TDRD9: variants seen among roughly 807,000 people sequenced by gnomAD.
TDRD9 encodes the protein ATP-dependent RNA helicase TDRD9.
TDRD9 carries 124 observed loss-of-function variants against 172.6 expected under a neutral mutation model. That is an observed-to-expected ratio of 0.72 (90% CI 0.62 to 0.83). The LOEUF is 0.83. Ranked by LOEUF, TDRD9 falls within the 40% of genes least tolerant of loss-of-function variation. TDRD9 has a pLI of 0.00. For synonymous variants in TDRD9, 619 were observed against 617.1 expected, an observed-to-expected ratio of 1.00 and a Z score of -0.05; for missense variants, 1,479 against 1,714.1, an observed-to-expected ratio of 0.86 and a Z score of 2.42.
rs760320425 is a variant in TDRD9 at position 104,024,587 on chromosome 14, G to A, written c.2625G>A (p.Gln875=). ...TATGTAGGGTGAATGTGGACTTCCAGAAGCAGACGGTAGATCCTATGCAAG... is the reference window on the plus strand; with the variant it reads ...TATGTAGGGTGAATGTGGACTTCCAAAAGCAGACGGTAGATCCTATGCAAG... ...LRNTRVNVDF[Q]KQTVDPMQVS... Residue 875 remains glutamine, a synonymous_variant, in exon 25 of 36, where the codon CAG becomes CAA. Transcript: ENST00000409874. 1.1e-5 allele frequency: 17 copies of A among 1,607,388 alleles called. No homozygotes were observed. Among genetic ancestry groups the A allele is most frequent in the Non-Finnish European group, 1.4e-5 (17 of 1,177,086 alleles).
intron 35 of TDRD9, chr14:104,049,959 C>T (rs1382709907): frequency 1.7e-5 from 6 of 356,308 alleles, no homozygotes; most frequent in Non-Finnish European, 2.5e-5. Flanking sequence ...TGGATTGAAC[C>T]TTCCTGCTCT....
At chr14:104,017,206 C>CT (rs1415252716) in intron 22 of TDRD9, among the ~76,000 whole-genome samples, 1 of 152,058 alleles carries the variant, frequency 6.6e-6, no homozygotes, top group Non-Finnish European at 1.5e-5. Flanking sequence ...CCTCAGACGT[C>CT]TAGTAGCTAT....
intron 31 of TDRD9, among the ~76,000 whole-genome samples, chr14:104,034,316 G>C (rs1307902602): frequency 6.7e-6 from 1 of 148,498 alleles, no homozygotes; most frequent in East Asian, 2.0e-4. Context: ...TCAGCCTCCC[G>C]AGTAGCTGGG....
intron 13 of TDRD9, among the ~76,000 whole-genome samples, chr14:104,001,435 C>T (rs2034258139): frequency 6.6e-6 from 1 of 152,208 alleles, no homozygotes; most frequent in South Asian, 2.1e-4. Flanking sequence ...CTAAGTAGTA[C>T]TCCACTGAAC....
intron 5 of TDRD9, among the ~76,000 whole-genome samples, chr14:103,968,067 A>ACATTTAT (rs2032831581): frequency 1.3e-5 from 2 of 152,314 alleles, no homozygotes; most frequent in South Asian, 4.1e-4. Flanking sequence ...TGTCTGACAT[A>ACATTTAT]TTTCTCTGCC....
intron 34 of TDRD9, among the ~76,000 whole-genome samples, chr14:104,043,630 A>G (rs371213259): frequency 2.6e-5 from 4 of 152,250 alleles, no homozygotes; most frequent in African/African-American, 9.6e-5. Context: ...GGTGCTCCTT[A>G]GGGTGTGCGG....
rs1207670537 is a variant in TDRD9 at position 104,028,842 on chromosome 14, G to A, written c.3282+1903G>A. On this transcript the variant is annotated intron_variant, in intron 28 of 35. Coordinates refer to ENST00000409874, the MANE Select transcript of TDRD9 (RefSeq NM_153046.3). Reference sequence around the variant, plus strand: ...TACATTTAAGTCTTTAACCCATTTTGAGTTGATTTTTGTATATGTCAAGAG... The same window carrying A: ...TACATTTAAGTCTTTAACCCATTTTAAGTTGATTTTTGTATATGTCAAGAG... 2.0e-5 allele frequency among the ~76,000 whole-genome samples: 3 copies of A among 152,116 alleles called. No homozygotes were observed. In the East Asian group the frequency reaches 5.8e-4, roughly 29 times the overall value.
chr14:103,975,669 T>C (rs2033207626), intron 7 of TDRD9, 116 bp downstream of exon 7: 1 of 1,021,088 alleles, frequency 9.8e-7, no homozygotes, highest in Admixed American at 2.9e-5. Flanking sequence ...TTAAAATTGA[T>C]GCATACTAAG....
At chr14:103,965,192 A>G in intron 3 of TDRD9, 141 bp from the exon 4 acceptor site, 1 of 844,702 alleles carries the variant, frequency 1.2e-6, no homozygotes, top group Non-Finnish European at 1.8e-6. Context: ...AGGCTGGGCA[A>G]CAGAGCGAGA....
At chr14:103,992,649 C>A (rs933158928) in intron 9 of TDRD9, among the ~76,000 whole-genome samples, 1 of 151,948 alleles carries the variant, frequency 6.6e-6, no homozygotes, top group Non-Finnish European at 1.5e-5. Context: ...CACGGACGGG[C>A]GTGGGGGCTC....
At chr14:103,975,858 C>T (rs1416639488) in intron 7 of TDRD9, among the ~76,000 whole-genome samples, 7 of 152,088 alleles carry the variant, frequency 4.6e-5, no homozygotes, top group Non-Finnish European at 1.0e-4. Flanking sequence ...TGAAAATAAA[C>T]GATAAGTTTT....
intron 1 of TDRD9, among the ~76,000 whole-genome samples, chr14:103,930,975 C>T (rs2030349663): frequency 6.6e-6 from 1 of 152,058 alleles, no homozygotes; most frequent in African/African-American, 2.4e-5. Context: ...TGAAAAAAGA[C>T]AACATACTAA....
intron 32 of TDRD9, 88 bp downstream of exon 32, chr14:104,035,144 G>A: frequency 1.9e-6 from 2 of 1,055,194 alleles, no homozygotes; most frequent in Non-Finnish European, 1.4e-6. Flanking sequence ...CTTTTGGAAA[G>A]AAAGCCTTTA....
intron 1 of TDRD9, among the ~76,000 whole-genome samples, chr14:103,947,836 C>G (rs1047592731): frequency 6.6e-6 from 1 of 151,922 alleles, no homozygotes; most frequent in African/African-American, 2.4e-5. Flanking sequence ...GATATGACAC[C>G]AAAGGCACAG....
At chr14:103,946,858 G>A (rs2031586612) in intron 1 of TDRD9, among the ~76,000 whole-genome samples, 1 of 152,218 alleles carries the variant, frequency 6.6e-6, no homozygotes, top group Admixed American at 6.5e-5. Context: ...TCTGGACAAT[G>A]AGAAGTGCAA....
At chr14:103,979,511 C>T (rs990362161) in intron 7 of TDRD9, among the ~76,000 whole-genome samples, 6 of 152,192 alleles carry the variant, frequency 3.9e-5, no homozygotes, top group Admixed American at 1.3e-4. Context: ...CTTTTTGTAA[C>T]AGTCACCTCT....
intron 24 of TDRD9, among the ~76,000 whole-genome samples, chr14:104,022,992 C>T (rs7156752): frequency 0.028 from 4,308 of 151,340 alleles, 128 homozygotes; most frequent in African/African-American, 0.075. Context: ...CGAGCCTGGC[C>T]GACATGGTGA....
intron 1 of TDRD9, among the ~76,000 whole-genome samples, chr14:103,948,883 C>T (rs2031714429): frequency 1.6e-5 from 1 of 63,242 alleles, no homozygotes; most frequent in Admixed American, 2.0e-4. Flanking sequence ...AGTGAGACTC[C>T]ATCTCAAAAA....
At chr14:104,043,177 C>T (rs2035659891) in intron 34 of TDRD9, among the ~76,000 whole-genome samples, 2 of 151,968 alleles carry the variant, frequency 1.3e-5, no homozygotes, top group South Asian at 4.2e-4. Flanking sequence ...GTGTGCACCA[C>T]CACACCTGGC....
Sources: gnomAD v4.1 joint callset for allele counts (sites outside exome capture counted in the v4.1 genomes callset) on GRCh38, gnomAD v4.1.1 for gene constraint, MANE v1.5 for transcripts, NCBI Gene and HGNC (gene_info 2026-07-23, HGNC 2026-07-21) for gene names.